Variants in B3GAT1 observed in about 807,000 individuals in gnomAD.
B3GAT1 encodes galactosylgalactosylxylosylprotein 3-beta-glucuronosyltransferase 1.
B3GAT1 carries 11 observed loss-of-function variants against 28.4 expected under a neutral mutation model. The ratio of observed to expected loss-of-function variants is 0.39; its 90% CI spans 0.24 to 0.64. The LOEUF is 0.64. Among genes scored for constraint, B3GAT1 ranks in the 30% least tolerant of loss-of-function variants. The probability of loss-of-function intolerance (pLI) is 0.50; values close to 1 mark genes in which losing one functional copy is unlikely to be tolerated. For missense variants in B3GAT1, 375 were observed against 491.0 expected (o/e 0.76, Z 2.23); for synonymous variants, 255 against 223.1 (o/e 1.14, Z -1.27).
In B3GAT1 at chr11:134,393,936, G is replaced by A. The variant is rs1230952613; in HGVS notation, c.-281-5996C>T. On this transcript the variant is annotated intron_variant, in intron 1 of 5. Coordinates refer to ENST00000312527, the MANE Select transcript of B3GAT1 (RefSeq NM_054025.3). The surrounding 1 kb of genome is among the most constrained non-coding windows in gnomAD (Gnocchi z 4.0). ...TCCAGGTGCCCCTAATGGGATCAGC[G>A]GATTAGTATTGATTCTGCAGGCGCT... 4.6e-5 allele frequency among the ~76,000 whole-genome samples: 7 copies of A among 152,158 alleles called. No individual in the cohort carries two copies. The highest frequency in any genetic ancestry group is 2.0e-4 in the Admixed American group (3 of 15,272).
intron 1 of B3GAT1, chr11:134,390,311 G>A (rs2136316513): frequency 6.6e-6 from 1 of 152,394 alleles, no homozygotes; most frequent in South Asian, 2.1e-4. Context: ...GACACGTTTT[G>A]GTTCTTTGGC....
chr11:134,386,098 T>C (rs1265013642), intron 2 of B3GAT1: 1 of 152,174 alleles, frequency 6.6e-6, no homozygotes, highest in Non-Finnish European at 1.5e-5. Context: ...GAGGAGAGGA[T>C]GATGTCAGGA....
At position 134,383,741 on chromosome 11, in the gene B3GAT1, T is replaced by G; in HGVS notation, c.560A>C (p.Gln187Pro). 1.3e-6 allele frequency: 2 copies of G among 1,594,674 alleles called. No individual in the cohort carries two copies. Among genetic ancestry groups the G allele is most frequent in the Non-Finnish European group, 1.7e-6 (2 of 1,168,286 alleles). The change falls in exon 3 of 6, where the codon CAG becomes CCG. Residue 187 changes from glutamine (Q) to proline (P), a missense_variant. Coordinates refer to ENST00000312527, the MANE Select transcript of B3GAT1 (RefSeq NM_054025.3). ...LRETFPRNSS[Q>P]PGVVYFADDD... The stretch of plus-strand genomic sequence containing the variant: ...GTCGGCGAAGTAGACCACGCCAGGC[T>G]GGCTGGAGTTGCGCGGGAAGGTCTC...
chr11:134,399,152 C>T (rs1299029262), intron 1 of B3GAT1, among the ~76,000 whole-genome samples: 1 of 152,176 alleles, frequency 6.6e-6, no homozygotes, highest in Admixed American at 6.5e-5. Flanking sequence ...TGCTCCTGTT[C>T]AGAGGTTTCC....
Position 134,387,021 on chromosome 11 carries a change from G to A in B3GAT1, c.112+527C>T, listed in dbSNP as rs549604051. 1.3e-3 allele frequency: 202 copies of A among 160,972 alleles called. 2 individuals carry two copies. The highest frequency in any genetic ancestry group is 2.2e-3 in the Non-Finnish European group (161 of 72,852). 10.0% of individuals were successfully genotyped at this position (160,972 alleles called of 1,614,324 possible). On this transcript the variant is annotated intron_variant, in intron 2 of 5. Coordinates refer to ENST00000312527, the MANE Select transcript of B3GAT1 (RefSeq NM_054025.3). ...CTCCCACCCAAGCCAATCTTCCGCT[G>A]CCCTAAACCACCCCAGGGCGATACC...
intron 1 of B3GAT1, among the ~76,000 whole-genome samples, chr11:134,404,032 T>TATTTATTTATTTATTC (rs1944681037): frequency 7.8e-6 from 1 of 127,916 alleles, no homozygotes; most frequent in Non-Finnish European, 1.6e-5. Flanking sequence ...TATATATATT[T>TATTTATTTATTTATTC]ATTATACGTT....
At chr11:134,398,404 T>G (rs1159493654) in intron 1 of B3GAT1, among the ~76,000 whole-genome samples, 1 of 151,894 alleles carries the variant, frequency 6.6e-6, no homozygotes, top group Non-Finnish European at 1.5e-5. Context: ...TTCTACTCTC[T>G]CTGCAGCCCT....
At chr11:134,396,180 AGGAGCT>A (rs1458380984) in intron 1 of B3GAT1, among the ~76,000 whole-genome samples, 1 of 152,238 alleles carries the variant, frequency 6.6e-6, no homozygotes, top group African/African-American at 2.4e-5. Flanking sequence ...TCTGCTGGCT[AGGAGCT>A]GGTCACGAAT....
At position 134,412,093 on chromosome 11, in the gene B3GAT1, C is replaced by CGGGGGGCGGGGAG. The variant is rs1565463007; in HGVS notation, c.-581_-569dup. 3.0e-5 allele frequency among the ~76,000 whole-genome samples: 2 copies of CGGGGGGCGGGGAG among 66,038 alleles called. No homozygotes were observed. The highest frequency in any genetic ancestry group is 6.6e-5 in the Non-Finnish European group (2 of 30,292). The allele number at this position is 66,038 out of a possible 152,430, so 43.3% of individuals were successfully genotyped here. A position where few individuals can be genotyped will look rare whatever the true frequency, so the allele number is the denominator to read the frequency against. ...AGGGCGCGGGCAGGGAGGCGGGGGGCGGGGGGCGGGGAGGGGGAGCGGGGA... is the reference window on the plus strand; with the variant it reads ...AGGGCGCGGGCAGGGAGGCGGGGGGCGGGGGGCGGGGAGGGGGGGCGGGGAGGGGGAGCGGGGA... On this transcript the variant is annotated 5_prime_UTR_variant, in exon 1 of 6. Coordinates refer to ENST00000312527, the MANE Select transcript of B3GAT1 (RefSeq NM_054025.3).
intron 1 of B3GAT1, among the ~76,000 whole-genome samples, chr11:134,407,188 T>TAACA (rs1297560470): frequency 6.6e-6 from 1 of 152,186 alleles, no homozygotes. Flanking sequence ...TAACAGTTTC[T>TAACA]GAACAATGGA....
intron 1 of B3GAT1, chr11:134,389,386 G>A (rs924434671): frequency 6.6e-6 from 1 of 152,572 alleles, no homozygotes; most frequent in Non-Finnish European, 1.5e-5. Flanking sequence ...ACATTGAGGG[G>A]AGACAGTCCT....
intron 1 of B3GAT1, among the ~76,000 whole-genome samples, chr11:134,406,974 C>A (rs1944745654): frequency 1.3e-5 from 2 of 152,106 alleles, no homozygotes; most frequent in Non-Finnish European, 2.9e-5. Context: ...ACTTTCCGTG[C>A]CCAAAACACC....
chr11:134,404,789 T>C (rs1944695728), intron 1 of B3GAT1, among the ~76,000 whole-genome samples: 1 of 152,324 alleles, frequency 6.6e-6, no homozygotes, highest in South Asian at 2.1e-4. Flanking sequence ...GAGAGATTTA[T>C]GTGTGGGAGA....
intron 1 of B3GAT1, among the ~76,000 whole-genome samples, chr11:134,397,751 T>C (rs1205221142): frequency 6.6e-6 from 1 of 152,244 alleles, no homozygotes; most frequent in Non-Finnish European, 1.5e-5. Flanking sequence ...TCTCGTTTCC[T>C]TCCAGCTGTC....
Position 134,381,867 on chromosome 11 carries a change from C to T in B3GAT1, c.*14+57G>A, listed in dbSNP as rs975188288. 51 of 1,372,568 alleles carry T rather than the reference C, an allele frequency of 3.7e-5. No individual in the cohort carries two copies. The South Asian group carries it at 4.8e-4, about 13-fold the overall frequency. 85.0% of individuals were successfully genotyped at this position (1,372,568 alleles called of 1,614,324 possible). A position where few individuals can be genotyped will look rare whatever the true frequency, so the allele number is the denominator to read the frequency against. ...GAGGAAAAGAATGAGACAGTTGATT[C>T]GGCCCAACCTGGTGCCGCCCTGCCC... On this transcript the variant is annotated intron_variant, in intron 5 of 5. Coordinates refer to ENST00000312527, the MANE Select transcript of B3GAT1 (RefSeq NM_054025.3).
chr11:134,392,124 G>A (rs1944422024), intron 1 of B3GAT1: 1 of 152,272 alleles, frequency 6.6e-6, no homozygotes, highest in Admixed American at 6.5e-5. Context: ...TGTCCTATGT[G>A]AGGAAAGTGT....
intron 3 of B3GAT1, 127 bp from the exon 4 acceptor site, chr11:134,383,133 G>T: frequency 9.3e-7 from 1 of 1,076,038 alleles, no homozygotes; most frequent in East Asian, 2.6e-5. Context: ...CCACCTAGGG[G>T]GTGTCCAGTA....
intron 1 of B3GAT1, among the ~76,000 whole-genome samples, chr11:134,398,293 A>G (rs760907026): frequency 3.3e-5 from 5 of 152,074 alleles, no homozygotes; most frequent in African/African-American, 9.7e-5. Context: ...CAAATCCACA[A>G]TTGGGTCCCT....
At chr11:134,402,607 C>G (rs569679971) in intron 1 of B3GAT1, among the ~76,000 whole-genome samples, 4 of 152,254 alleles carry the variant, frequency 2.6e-5, no homozygotes, top group African/African-American at 9.6e-5. Flanking sequence ...GAAGAAGAAA[C>G]AATTAACATA....
Sources: gnomAD v4.1 joint callset for allele counts (sites outside exome capture counted in the v4.1 genomes callset) on GRCh38, gnomAD v4.1.1 for gene constraint, Gnocchi (gnomAD v3.1) non-coding constraint, MANE v1.5 for transcripts, NCBI Gene and HGNC (gene_info 2026-07-23, HGNC 2026-07-21) for gene names.